Variants in ADAMTS9 observed in about 807,000 individuals in gnomAD.
ADAMTS9 encodes the protein A disintegrin and metalloproteinase with thrombospondin motifs 9.
Under a neutral mutation model 257.1 loss-of-function variants are expected in ADAMTS9, and 107 were observed. The observed-to-expected ratio is 0.42, with a 90% CI of 0.36 to 0.49. The LOEUF is 0.49. ADAMTS9 is among the 20% of genes least tolerant of loss of function. ADAMTS9 has a pLI of 0.03. For missense variants in ADAMTS9, 2,353 were observed against 2,469.1 expected, an observed-to-expected ratio of 0.95 and a Z score of 1.00; for synonymous variants, 982 against 880.9, an observed-to-expected ratio of 1.11 and a Z score of -2.03.
intron 30 of ADAMTS9, 110 bp downstream of exon 30, chr3:64,561,468 A>G: frequency 8.0e-7 from 1 of 1,243,914 alleles, no homozygotes; most frequent in Non-Finnish European, 1.1e-6. Flanking sequence ...AAGAGCCAGC[A>G]TTGTAACCGT....
intron 38 of ADAMTS9, among the ~76,000 whole-genome samples, chr3:64,529,861 C>T (rs976630787): frequency 6.6e-5 from 10 of 152,040 alleles, no homozygotes; most frequent in Non-Finnish European, 5.9e-5. Context: ...CTCTGTTGCC[C>T]AGGCTGGAGT....
chr3:64,660,263 A>G lies in ADAMTS9; in HGVS notation c.680-1472T>C, dbSNP rs574421357. On this transcript the variant is annotated intron_variant, in intron 3 of 39. Transcript: ENST00000498707. ...TTACATCAATACCAAAGGTAAAAAT[A>G]AAAATTAAAAACAGTTAAATTTTAA... 5.9e-5 allele frequency among the ~76,000 whole-genome samples: 9 copies of G among 152,358 alleles called. No individual in the cohort carries two copies. In the East Asian group the frequency reaches 1.3e-3, roughly 23 times the overall value.
chr3:64,643,684 C>T (rs1700716963), intron 11 of ADAMTS9, among the ~76,000 whole-genome samples: 1 of 151,838 alleles, frequency 6.6e-6, no homozygotes, highest in South Asian at 2.1e-4. Flanking sequence ...AGGCTAATCT[C>T]AAACTCCTAG....
At chr3:64,641,810 C>A in intron 12 of ADAMTS9, 38 bp downstream of exon 12, 2 of 1,607,498 alleles carry the variant, frequency 1.2e-6, no homozygotes, top group Non-Finnish European at 1.7e-6. Context: ...CATGTTCCTG[C>A]CACGGCAGTA....
intron 11 of ADAMTS9, among the ~76,000 whole-genome samples, chr3:64,645,323 G>A (rs952178094): frequency 6.6e-6 from 1 of 152,150 alleles, no homozygotes; most frequent in African/African-American, 2.4e-5. Context: ...TCAAACCTCA[G>A]ACTCACAAAT....
At chr3:64,618,940 A>G (rs1700034468) in intron 19 of ADAMTS9, among the ~76,000 whole-genome samples, 1 of 152,158 alleles carries the variant, frequency 6.6e-6, no homozygotes, top group African/African-American at 2.4e-5. Context: ...TTTGGAGAAC[A>G]CCACATAAGC....
At chr3:64,629,680 C>T (rs1440249616) in intron 16 of ADAMTS9, among the ~76,000 whole-genome samples, 1 of 152,210 alleles carries the variant, frequency 6.6e-6, no homozygotes, top group Non-Finnish European at 1.5e-5. Flanking sequence ...CTGTTTATTG[C>T]CTATTGTTTA....
intron 32 of ADAMTS9, among the ~76,000 whole-genome samples, chr3:64,546,548 G>T (rs2083201915): frequency 6.6e-6 from 1 of 152,176 alleles, no homozygotes; most frequent in Non-Finnish European, 1.5e-5. Flanking sequence ...GATCCAGACT[G>T]TCTGGCTTCA....
chr3:64,660,401 A>G (rs1355551791), intron 3 of ADAMTS9, among the ~76,000 whole-genome samples: 2 of 152,254 alleles, frequency 1.3e-5, no homozygotes. Context: ...TTATTAAAAT[A>G]CAGTGGTCCC....
At chr3:64,612,077 G>A (rs950087223) in intron 22 of ADAMTS9, among the ~76,000 whole-genome samples, 1 of 152,154 alleles carries the variant, frequency 6.6e-6, no homozygotes, top group East Asian at 1.9e-4. Context: ...CAGTGTAGAG[G>A]TAGGACTGGG....
intron 28 of ADAMTS9, among the ~76,000 whole-genome samples, chr3:64,591,538 A>G (rs2084259326): frequency 6.6e-6 from 1 of 152,200 alleles, no homozygotes; most frequent in South Asian, 2.1e-4. Flanking sequence ...TTTCTGGAGG[A>G]TATTTCTCAC....
intron 37 of ADAMTS9, among the ~76,000 whole-genome samples, chr3:64,538,144 C>T (rs190323727): frequency 1.9e-4 from 29 of 152,238 alleles, no homozygotes; most frequent in African/African-American, 6.7e-4. Context: ...GCCTTGGTCC[C>T]GGAGGACTTC....
intron 38 of ADAMTS9, among the ~76,000 whole-genome samples, chr3:64,529,435 T>C (rs75715977): frequency 0.079 from 11,993 of 152,158 alleles, 1,405 homozygotes; most frequent in Admixed American, 0.31. Context: ...TTTTTTTCCC[T>C]TCTGTAACTC....
intron 21 of ADAMTS9, among the ~76,000 whole-genome samples, chr3:64,614,693 A>T (rs2084728391): frequency 6.6e-6 from 1 of 152,110 alleles, no homozygotes; most frequent in Non-Finnish European, 1.5e-5. Context: ...ATACTATATC[A>T]TAAAAGCAAG....
Position 64,530,347 on chromosome 3 carries a change from G to T in ADAMTS9, c.5718+2819C>A, listed in dbSNP as rs902668564. On this transcript the variant is annotated intron_variant, in intron 38 of 39. Transcript: ENST00000498707. ...GGCGGTGGAAGCCTATTTTCAGGTA[G>T]CATTGCTAGGACATGCTTCTCTGGA... is the stretch of plus-strand genomic sequence containing the variant. 4.6e-5 allele frequency among the ~76,000 whole-genome samples: 7 copies of T among 151,722 alleles called. No homozygotes were observed. In the East Asian group the frequency reaches 1.4e-3, roughly 29 times the overall value.
In ADAMTS9 at chr3:64,575,770, CTG is replaced by C. The variant is rs375475708; in HGVS notation, c.4357-7237_4357-7236del. Among the ~76,000 whole-genome samples, 895 of 152,294 alleles carry C rather than the reference CTG, an allele frequency of 5.9e-3. 7 individuals carry two copies. The highest frequency in any genetic ancestry group is 0.019 in the African/African-American group (779 of 41,562). Reference sequence around the variant, plus strand: ...ATAGTAGTAACTGTACCCAATATCACTGTGTTACAATTAAATGAGACAATGCA... The same window carrying C: ...ATAGTAGTAACTGTACCCAATATCACTGTTACAATTAAATGAGACAATGCA... On this transcript the variant is annotated intron_variant, in intron 28 of 39. Coordinates refer to ENST00000498707, the MANE Select transcript of ADAMTS9 (RefSeq NM_182920.2).
chr3:64,523,573 A>G (rs1036428262), intron 38 of ADAMTS9, among the ~76,000 whole-genome samples: 3 of 152,220 alleles, frequency 2.0e-5, no homozygotes, highest in Non-Finnish European at 4.4e-5. Flanking sequence ...CTTTAACTGG[A>G]CAAATTTACA....
At chr3:64,546,975 G>C (rs780633069) in intron 31 of ADAMTS9, 23 bp from the exon 32 acceptor site, 4 of 1,589,176 alleles carry the variant, frequency 2.5e-6, no homozygotes, top group Non-Finnish European at 3.4e-6. Context: ...GGATTGAGAG[G>C]AGAGGTTCGA....
At chr3:64,572,645 G>GA (rs2083720111) in intron 28 of ADAMTS9, among the ~76,000 whole-genome samples, 1 of 152,140 alleles carries the variant, frequency 6.6e-6, no homozygotes, top group Non-Finnish European at 1.5e-5. Context: ...TCCAAAACAA[G>GA]ATGGATTTCT....
Sources: gnomAD v4.1 joint callset for allele counts (sites outside exome capture counted in the v4.1 genomes callset) on GRCh38, gnomAD v4.1.1 for gene constraint, MANE v1.5 for transcripts, NCBI Gene and HGNC (gene_info 2026-07-23, HGNC 2026-07-21) for gene names.